SLC24A3: variants seen among roughly 807,000 people sequenced by gnomAD.
SLC24A3 encodes the protein sodium/potassium/calcium exchanger 3.
Under a neutral mutation model 75.8 loss-of-function variants are expected in SLC24A3, and 28 were observed. The ratio of observed to expected loss-of-function variants is 0.37; its 90% CI spans 0.27 to 0.51. The LOEUF is 0.51. SLC24A3 is among the 20% of genes least tolerant of loss of function. The pLI is 0.94. For synonymous variants in SLC24A3, 372 were observed against 334.1 expected, an observed-to-expected ratio of 1.11 and a Z score of -1.24; for missense variants, 663 against 847.8, an observed-to-expected ratio of 0.78 and a Z score of 2.71.
At chr20:19,372,203 A>G (rs920454058) in intron 2 of SLC24A3, among the ~76,000 whole-genome samples, 6 of 152,178 alleles carry the variant, frequency 3.9e-5, no homozygotes, top group Non-Finnish European at 8.8e-5. Flanking sequence ...TAGCTTCCAT[A>G]CCTTTGGTCC....
intron 2 of SLC24A3, among the ~76,000 whole-genome samples, chr20:19,281,537 G>A (rs767314793): frequency 5.9e-5 from 9 of 152,152 alleles, no homozygotes; most frequent in South Asian, 2.1e-4. Flanking sequence ...TGGAAGAGGC[G>A]AATATTAATT....
chr20:19,325,795 T>TATAGAGAGAGAG (rs1251419875), intron 2 of SLC24A3, among the ~76,000 whole-genome samples: 7 of 67,796 alleles, frequency 1.0e-4, no homozygotes, highest in Non-Finnish European at 1.4e-4. Flanking sequence ...TATATATATA[T>TATAGAGAGAGAG]AGAGAGAGAG....
At chr20:19,700,663 A>T (rs1415216694) in intron 15 of SLC24A3, among the ~76,000 whole-genome samples, 1 of 152,230 alleles carries the variant, frequency 6.6e-6, no homozygotes, top group African/African-American at 2.4e-5. Flanking sequence ...GTTACTTTGT[A>T]TAGCAAAGAT....
At chr20:19,592,793 CTTTCTT>C (rs1030769025) in intron 6 of SLC24A3, among the ~76,000 whole-genome samples, 2 of 119,688 alleles carry the variant, frequency 1.7e-5, no homozygotes, top group African/African-American at 6.0e-5. Context: ...TTCTTTCTTT[CTTTCTT>C]TTTTTTTTTT....
chr20:19,650,751 T>C (rs2032192942), intron 6 of SLC24A3, among the ~76,000 whole-genome samples: 1 of 152,230 alleles, frequency 6.6e-6, no homozygotes, highest in Non-Finnish European at 1.5e-5. Flanking sequence ...AGTTGAGCCA[T>C]TAATACACAA....
At chr20:19,686,249 G>T (rs1380991262) in intron 12 of SLC24A3, among the ~76,000 whole-genome samples, 1 of 152,166 alleles carries the variant, frequency 6.6e-6, no homozygotes, top group Non-Finnish European at 1.5e-5. Flanking sequence ...CTAGCCGGGA[G>T]AGCTGTCCTG....
At chr20:19,345,649 A>G (rs1348526893) in intron 2 of SLC24A3, among the ~76,000 whole-genome samples, 1 of 152,230 alleles carries the variant, frequency 6.6e-6, no homozygotes, top group African/African-American at 2.4e-5. Context: ...ACATTTCTCA[A>G]AAGAAGATAT....
At chr20:19,462,505 A>G (rs908048046) in intron 2 of SLC24A3, among the ~76,000 whole-genome samples, 6 of 152,126 alleles carry the variant, frequency 3.9e-5, no homozygotes, top group African/African-American at 1.4e-4. Context: ...CCTGGACACA[A>G]CCCAAACTTG....
chr20:19,267,795 T>C (rs1253886917), intron 1 of SLC24A3, among the ~76,000 whole-genome samples: 1 of 152,180 alleles, frequency 6.6e-6, no homozygotes, highest in African/African-American at 2.4e-5. Flanking sequence ...AAAGTCACCT[T>C]GAGGGATGTG....
chr20:19,511,663 G>A (rs905087220), intron 2 of SLC24A3, among the ~76,000 whole-genome samples: 1 of 152,160 alleles, frequency 6.6e-6, no homozygotes, highest in South Asian at 2.1e-4. Context: ...ATCTCTCCCT[G>A]TGACTTTTTT....
rs563613045 is a variant in SLC24A3, at chr20:19,574,396, G to C, written c.349-5604G>C. Reference sequence around the variant, plus strand: ...ACATACTGACTGCCACAATAATGCTGCATAACAAATGGCCTCACAACTTCA... The same window carrying C: ...ACATACTGACTGCCACAATAATGCTCCATAACAAATGGCCTCACAACTTCA... On this transcript the variant is annotated intron_variant, in intron 3 of 16. Transcript: ENST00000328041. Among the ~76,000 whole-genome samples the C allele has an allele frequency of 2.1e-4, 32 of 152,322 alleles. 2 individuals carry two copies. The South Asian group carries it at 4.8e-3, about 23-fold the overall frequency.
At chr20:19,352,134 C>T (rs181386944) in intron 2 of SLC24A3, among the ~76,000 whole-genome samples, 56 of 129,606 alleles carry the variant, frequency 4.3e-4, no homozygotes, top group African/African-American at 1.3e-3. Flanking sequence ...GTGGGAGGGG[C>T]GGGGAGGGGG....
intron 15 of SLC24A3, among the ~76,000 whole-genome samples, chr20:19,708,407 C>G (rs1029613066): frequency 4.6e-5 from 7 of 152,218 alleles, no homozygotes; most frequent in Admixed American, 1.3e-4. Flanking sequence ...GTCTTTCATT[C>G]TCACCTTGTA....
intron 2 of SLC24A3, among the ~76,000 whole-genome samples, chr20:19,291,704 A>C (rs998112256): frequency 1.3e-5 from 2 of 152,218 alleles, no homozygotes; most frequent in African/African-American, 2.4e-5. Context: ...CCAGTGGCTC[A>C]TCCATCCCTG....
chr20:19,341,059 G>T (rs1393806554), intron 2 of SLC24A3, among the ~76,000 whole-genome samples: 3 of 152,190 alleles, frequency 2.0e-5, no homozygotes, highest in Non-Finnish European at 4.4e-5. Context: ...GTGCACCAAG[G>T]TCTGGCTGGG....
chr20:19,679,602 G>A lies in SLC24A3; in HGVS notation c.768-2256G>A, dbSNP rs530023128. Among the ~76,000 whole-genome samples the A allele has an allele frequency of 2.0e-4, 31 of 151,978 alleles. No individual in the cohort carries two copies. In the South Asian group the frequency reaches 5.2e-3, roughly 26 times the overall value. On this transcript the variant is annotated intron_variant, in intron 9 of 16. Coordinates refer to ENST00000328041, the MANE Select transcript of SLC24A3 (RefSeq NM_020689.4). The stretch of plus-strand genomic sequence containing the variant: ...CGGAGACCGTGGGGAGAGGGAGAGG[G>A]AGAGGGAGACTCACTCTTTTAGGAT...
intron 1 of SLC24A3, among the ~76,000 whole-genome samples, chr20:19,243,720 C>A (rs1252044913): frequency 6.6e-6 from 1 of 152,176 alleles, no homozygotes; most frequent in Non-Finnish European, 1.5e-5. Flanking sequence ...CTTACAGTCC[C>A]TGTTTCTCAT....
intron 3 of SLC24A3, among the ~76,000 whole-genome samples, chr20:19,561,314 G>A (rs758767742): frequency 6.6e-6 from 1 of 152,068 alleles, no homozygotes; most frequent in Non-Finnish European, 1.5e-5. Context: ...AATTAACATC[G>A]GATCCAGGGG....
At chr20:19,594,651 C>T (rs932501618) in intron 6 of SLC24A3, among the ~76,000 whole-genome samples, 1 of 152,138 alleles carries the variant, frequency 6.6e-6, no homozygotes, top group Non-Finnish European at 1.5e-5. Context: ...ATGTTAAATA[C>T]TCAACAGAGG....
Sources: gnomAD v4.1 joint callset for allele counts (sites outside exome capture counted in the v4.1 genomes callset) on GRCh38, gnomAD v4.1.1 for gene constraint, MANE v1.5 for transcripts, NCBI Gene and HGNC (gene_info 2026-07-23, HGNC 2026-07-21) for gene names.